The following CHRM3 variants were observed in gnomAD, a reference collection of about 807,000 sequenced individuals.
CHRM3 encodes the protein cholinergic receptor muscarinic 3.
A neutral mutation model predicts 41.8 loss-of-function variants in CHRM3; 11 were observed. That is an observed-to-expected ratio of 0.26 (90% CI 0.17 to 0.44). CHRM3 has a LOEUF of 0.44. CHRM3 is among the 20% of genes least tolerant of loss of function. The pLI is 1.00. For missense variants in CHRM3, 571 were observed against 745.4 expected (o/e 0.77, Z 2.72); for synonymous variants, 297 against 301.4 (o/e 0.99, Z 0.15).
At chr1:239,450,262 G>C (rs898144326) in intron 1 of CHRM3, among the ~76,000 whole-genome samples, 1 of 152,170 alleles carries the variant, frequency 6.6e-6, no homozygotes, top group Admixed American at 6.5e-5. Context: ...AAAGGTAAAA[G>C]TAAATATCAA....
chr1:239,658,792 G>A (rs1174259648), intron 4 of CHRM3, among the ~76,000 whole-genome samples: 1 of 151,522 alleles, frequency 6.6e-6, no homozygotes, highest in Admixed American at 6.6e-5. Flanking sequence ...AGGCTGGAGT[G>A]CAGTGGTGCG....
At chr1:239,723,319 AGT>A (rs1444454292) in intron 5 of CHRM3, among the ~76,000 whole-genome samples, 1 of 151,964 alleles carries the variant, frequency 6.6e-6, no homozygotes, top group Non-Finnish European at 1.5e-5. Context: ...TGCATTCTAA[AGT>A]ATAATTAATT....
At chr1:239,753,370 C>A (rs1206298710) in intron 5 of CHRM3, among the ~76,000 whole-genome samples, 1 of 152,124 alleles carries the variant, frequency 6.6e-6, no homozygotes, top group East Asian at 1.9e-4. Flanking sequence ...AATTGACTCA[C>A]AGTTCCACAG....
intron 3 of CHRM3, among the ~76,000 whole-genome samples, chr1:239,581,101 G>A (rs1226945213): frequency 1.3e-5 from 2 of 152,084 alleles, no homozygotes; most frequent in South Asian, 2.1e-4. Context: ...TTTCTTGGTA[G>A]GAAGGGAGAA....
chr1:239,512,387 G>A (rs1668981529), intron 2 of CHRM3, among the ~76,000 whole-genome samples: 1 of 151,992 alleles, frequency 6.6e-6, no homozygotes, highest in African/African-American at 2.4e-5. Flanking sequence ...TTTATTTAAG[G>A]GATCTCCTAG....
chr1:239,531,435 A>T (rs2148330285), intron 2 of CHRM3, among the ~76,000 whole-genome samples: 1 of 152,224 alleles, frequency 6.6e-6, no homozygotes, highest in African/African-American at 2.4e-5. Flanking sequence ...TTTTATGAGC[A>T]CCAATGATTG....
chr1:239,902,964 A>T (rs1318473957), intron 6 of CHRM3, among the ~76,000 whole-genome samples: 1 of 152,222 alleles, frequency 6.6e-6, no homozygotes, highest in Admixed American at 6.5e-5. Context: ...AGAATTTCAG[A>T]AACGTATTAG....
At chr1:239,571,423 A>G (rs1023183434) in intron 3 of CHRM3, among the ~76,000 whole-genome samples, 1 of 152,124 alleles carries the variant, frequency 6.6e-6, no homozygotes, top group Non-Finnish European at 1.5e-5. Context: ...TCAAATCCAC[A>G]CTGAGGTGCA....
At position 239,633,121 on chromosome 1, in the gene CHRM3, G is replaced by A. The variant is rs541253915; in HGVS notation, c.-250+835G>A. ...CCGAGTAGCTGGGACTACAAGCGCT[G>A]CCACCATGCCTGGCTAATTTTTTGT... is the stretch of plus-strand genomic sequence containing the variant. On this transcript the variant is annotated intron_variant, in intron 4 of 6. Transcript: ENST00000676153. 2.2e-3 allele frequency among the ~76,000 whole-genome samples: 328 copies of A among 152,236 alleles called. 1 individual carries two copies. The highest frequency in any genetic ancestry group is 7.5e-3 in the African/African-American group (313 of 41,538).
At chr1:239,836,848 G>A (rs1003588691) in intron 6 of CHRM3, among the ~76,000 whole-genome samples, 1 of 152,028 alleles carries the variant, frequency 6.6e-6, no homozygotes, top group Non-Finnish European at 1.5e-5. Context: ...GATGGCACAT[G>A]CCTGTAATCC....
chr1:239,579,009 A>G (rs1294573002), intron 3 of CHRM3, among the ~76,000 whole-genome samples: 1 of 152,182 alleles, frequency 6.6e-6, no homozygotes, highest in Non-Finnish European at 1.5e-5. Context: ...TCACTGTTCC[A>G]TTACTAGAAT....
chr1:239,688,835 AAT>A (rs898527324), intron 5 of CHRM3, among the ~76,000 whole-genome samples: 40 of 140,792 alleles, frequency 2.8e-4, no homozygotes, highest in Middle Eastern at 6.1e-3. Context: ...TATATTATAT[AAT>A]ATATATATTT....
chr1:239,495,169 C>CA (rs1278914517), intron 2 of CHRM3, among the ~76,000 whole-genome samples: 1 of 152,030 alleles, frequency 6.6e-6, no homozygotes, highest in Non-Finnish European at 1.5e-5. Flanking sequence ...ATATTGAGTA[C>CA]AGGGTTCAAG....
chr1:239,404,466 GA>G (rs772654805), intron 1 of CHRM3, among the ~76,000 whole-genome samples: 1 of 123,306 alleles, frequency 8.1e-6, no homozygotes, highest in African/African-American at 3.1e-5. Flanking sequence ...AAGAAAGAAA[GA>G]AAAAGAAAGA....
chr1:239,766,415 C>T (rs975307742), intron 5 of CHRM3, among the ~76,000 whole-genome samples: 4 of 152,014 alleles, frequency 2.6e-5, no homozygotes, highest in Non-Finnish European at 4.4e-5. Flanking sequence ...AGAAAAACAA[C>T]TAATAGATAT....
intron 5 of CHRM3, among the ~76,000 whole-genome samples, chr1:239,700,890 G>C (rs1424357128): frequency 6.6e-6 from 1 of 152,028 alleles, no homozygotes; most frequent in Non-Finnish European, 1.5e-5. Context: ...GAATGTGCCT[G>C]ATCTCATTTG....
chr1:239,813,180 A>T (rs939885595), intron 5 of CHRM3, among the ~76,000 whole-genome samples: 7 of 152,142 alleles, frequency 4.6e-5, no homozygotes, highest in African/African-American at 1.7e-4. Context: ...TGGGAGGCTG[A>T]GGCAGGAGAA....
intron 1 of CHRM3, among the ~76,000 whole-genome samples, chr1:239,404,360 GAA>G (rs1491136747): frequency 1.2e-4 from 6 of 48,888 alleles, no homozygotes; most frequent in African/African-American, 4.8e-4. Flanking sequence ...GAGAAAGAAA[GAA>G]AGAAAGAAAG....
chr1:239,397,944 A>T (rs968859805), intron 1 of CHRM3, among the ~76,000 whole-genome samples: 2 of 151,990 alleles, frequency 1.3e-5, no homozygotes, highest in Non-Finnish European at 2.9e-5. Flanking sequence ...TTTTAGAAGT[A>T]AACATCAATA....
Sources: gnomAD v4.1 joint callset for allele counts (sites outside exome capture counted in the v4.1 genomes callset) on GRCh38, gnomAD v4.1.1 for gene constraint, MANE v1.5 for transcripts, NCBI Gene and HGNC (gene_info 2026-07-23, HGNC 2026-07-21) for gene names.